Variants in SHISA9 observed in about 807,000 individuals in gnomAD.
SHISA9 encodes shisa family member 9, also known as protein shisa-9.
A neutral mutation model predicts 38.0 loss-of-function variants in SHISA9; 13 were observed. The observed-to-expected ratio is 0.34, with a 90% confidence interval of 0.22 to 0.54. The LOEUF is 0.54. Among genes scored for constraint, SHISA9 ranks in the 20% least tolerant of loss-of-function variants. SHISA9 has a pLI of 0.91. For missense variants in SHISA9, 538 were observed against 575.8 expected, an observed-to-expected ratio of 0.93 and a Z score of 0.67; for synonymous variants, 275 against 242.0, an observed-to-expected ratio of 1.14 and a Z score of -1.27.
chr16:13,345,046 C>T, the SHISA9 span, among the ~76,000 whole-genome samples: 3 of 152,252 alleles, frequency 2.0e-5, no homozygotes, highest in African/African-American at 4.8e-5. Context: ...TTGAATAAAT[C>T]TCTACTGTGA....
intron 4 of SHISA9, among the ~76,000 whole-genome samples, chr16:13,222,230 T>A (rs538490373): frequency 6.6e-6 from 1 of 152,306 alleles, no homozygotes; most frequent in South Asian, 2.1e-4. Context: ...GGAATCATTA[T>A]AATTCAAGGT....
intron 2 of SHISA9, among the ~76,000 whole-genome samples, chr16:13,128,058 C>T (rs1409970613): frequency 6.6e-6 from 1 of 152,146 alleles, no homozygotes; most frequent in African/African-American, 2.4e-5. Flanking sequence ...AATTCTGCAT[C>T]ATTAAGATAA....
chr16:13,384,097 G>T, the SHISA9 span, among the ~76,000 whole-genome samples: 1 of 152,118 alleles, frequency 6.6e-6, no homozygotes, highest in Admixed American at 6.6e-5. Flanking sequence ...CCTTTCAACT[G>T]GTTTATACAT....
the SHISA9 span, among the ~76,000 whole-genome samples, chr16:13,262,471 G>A: frequency 6.6e-6 from 1 of 152,174 alleles, no homozygotes; most frequent in South Asian, 2.1e-4. Context: ...TTATCAGGTT[G>A]TATCACACTT....
chr16:13,004,654 G>T (rs2072572413), intron 2 of SHISA9, among the ~76,000 whole-genome samples: 1 of 152,088 alleles, frequency 6.6e-6, no homozygotes, highest in South Asian at 2.1e-4. Context: ...GCTAGGCGTG[G>T]TGGCTCATGC....
the SHISA9 span, among the ~76,000 whole-genome samples, chr16:13,445,125 G>T: frequency 6.6e-6 from 1 of 151,262 alleles, no homozygotes; most frequent in African/African-American, 2.4e-5. Flanking sequence ...GCCTCCCAAA[G>T]TGCTAGGATT....
chr16:13,431,381 A>G, the SHISA9 span, among the ~76,000 whole-genome samples: 5 of 152,234 alleles, frequency 3.3e-5, no homozygotes, highest in African/African-American at 4.8e-5. Flanking sequence ...GAAGTTCATT[A>G]CCTATAAACT....
At chr16:13,089,161 A>T (rs1567208416) in intron 2 of SHISA9, among the ~76,000 whole-genome samples, 1 of 152,162 alleles carries the variant, frequency 6.6e-6, no homozygotes, top group Non-Finnish European at 1.5e-5. Flanking sequence ...GATGAAGATC[A>T]TGGTGGATAA....
chr16:13,511,079 G>T, the SHISA9 span, among the ~76,000 whole-genome samples: 1 of 152,170 alleles, frequency 6.6e-6, no homozygotes, highest in Non-Finnish European at 1.5e-5. Context: ...CTTGGCTAAA[G>T]ACCAAATATG....
At chr16:13,216,645 C>T (rs887260686) in intron 4 of SHISA9, among the ~76,000 whole-genome samples, 12 of 151,954 alleles carry the variant, frequency 7.9e-5, no homozygotes. Context: ...GAACATAGGG[C>T]GTGGGCAGAG....
chr16:13,026,378 T>A (rs79979008), intron 2 of SHISA9, among the ~76,000 whole-genome samples: 1,726 of 152,344 alleles, frequency 0.011, 34 homozygotes, highest in African/African-American at 0.038. Flanking sequence ...TCAAGTCTTA[T>A]CTATGTGTCT....
intron 2 of SHISA9, among the ~76,000 whole-genome samples, chr16:13,081,632 G>T (rs1278063139): frequency 6.6e-6 from 1 of 151,796 alleles, no homozygotes; most frequent in East Asian, 1.9e-4. Context: ...CAGATAATCA[G>T]AGCGCTTGTC....
At chr16:13,092,096 A>G (rs760243047) in intron 2 of SHISA9, among the ~76,000 whole-genome samples, 3 of 151,982 alleles carry the variant, frequency 2.0e-5, no homozygotes, top group African/African-American at 2.4e-5. Flanking sequence ...CTGGAATTCC[A>G]CTCCAGACCC....
At chr16:13,409,156 A>C in the SHISA9 span, among the ~76,000 whole-genome samples, 2 of 152,054 alleles carry the variant, frequency 1.3e-5, no homozygotes, top group Admixed American at 1.3e-4. Flanking sequence ...GGCTGGGGGT[A>C]GTCGGAGAGG....
chr16:12,952,605 G>A (rs1323603601), intron 2 of SHISA9, among the ~76,000 whole-genome samples: 1 of 152,168 alleles, frequency 6.6e-6, no homozygotes, highest in Non-Finnish European at 1.5e-5. Flanking sequence ...ATTGGATCAT[G>A]GGGGTGGTTT....
At chr16:13,260,241 C>A in the SHISA9 span, among the ~76,000 whole-genome samples, 158 of 152,014 alleles carry the variant, frequency 1.0e-3, 2 homozygotes, top group Admixed American at 0.01. Flanking sequence ...TGGTCTTGAT[C>A]TCCTGACCTT....
chr16:13,106,986 C>CTCTCTA (rs1026757519), intron 2 of SHISA9, among the ~76,000 whole-genome samples: 2 of 149,902 alleles, frequency 1.3e-5, no homozygotes, highest in Admixed American at 6.7e-5. Context: ...CTCTCTCTCT[C>CTCTCTA]TCTCTCTCTC....
chr16:13,328,159 C>T, the SHISA9 span, among the ~76,000 whole-genome samples: 2 of 152,110 alleles, frequency 1.3e-5, no homozygotes, highest in Non-Finnish European at 2.9e-5. Flanking sequence ...GAGCAGGGGC[C>T]TCTCACCATC....
In SHISA9 at chr16:13,234,314, G is replaced by C. The variant is rs189420430; in HGVS notation, c.896-716G>C. 3.7e-3 allele frequency among the ~76,000 whole-genome samples: 570 copies of C among 152,268 alleles called. 1 individual carries two copies. Among genetic ancestry groups the C allele is most frequent in the African/African-American group, 0.011 (475 of 41,548 alleles). On this transcript the variant is annotated intron_variant, in intron 4 of 4. Coordinates refer to ENST00000558583, the MANE Select transcript of SHISA9 (RefSeq NM_001145204.3). ...CTTATTTATAATGACGATGATAATG[G>C]TGGTAGATAATATCTAAGCACTTTA... is the stretch of plus-strand genomic sequence containing the variant.
Sources: allele counts gnomAD v4.1 joint callset (sites outside exome capture counted in the v4.1 genomes callset), GRCh38; gene constraint gnomAD v4.1.1; transcripts MANE v1.5; gene names NCBI Gene and HGNC (gene_info 2026-07-23, HGNC 2026-07-21).